Variants in CDC42SE2 observed in about 807,000 individuals in gnomAD.
The protein encoded by CDC42SE2 is CDC42 small effector protein 2.
CDC42SE2 carries 3 observed loss-of-function variants against 11.5 expected under a neutral mutation model. That is an observed-to-expected ratio of 0.26 (90% CI 0.12 to 0.67). CDC42SE2 has a LOEUF of 0.67. Ranked by LOEUF, CDC42SE2 falls within the 30% of genes least tolerant of loss-of-function variation. CDC42SE2 has a pLI of 0.80. For synonymous variants in CDC42SE2, 33 were observed against 34.8 expected (o/e 0.95, Z 0.18); for missense variants, 82 against 106.8 (o/e 0.77, Z 1.02).
intron 3 of CDC42SE2, among the ~76,000 whole-genome samples, chr5:131,381,786 G>A (rs768297506): frequency 4.6e-5 from 7 of 152,140 alleles, no homozygotes; most frequent in African/African-American, 7.2e-5. Flanking sequence ...GTCTTCTCAA[G>A]CTATTTAATC....
At chr5:131,324,888 A>G (rs940088230) in intron 2 of CDC42SE2, among the ~76,000 whole-genome samples, 4 of 152,240 alleles carry the variant, frequency 2.6e-5, no homozygotes, top group African/African-American at 9.6e-5. Flanking sequence ...TTTGTCAGAT[A>G]AAGTTTAGAA....
chr5:131,314,951 T>A (rs1758008625), intron 1 of CDC42SE2, among the ~76,000 whole-genome samples: 1 of 152,178 alleles, frequency 6.6e-6, no homozygotes, highest in Non-Finnish European at 1.5e-5. Flanking sequence ...TGAATTGCTG[T>A]TTGTTTTTAT....
rs1750782505 is a variant in CDC42SE2, at chr5:131,394,240, G to A, written c.*3149G>A. On this transcript the variant is annotated 3_prime_UTR_variant, in exon 5 of 5. Coordinates refer to ENST00000505065, the MANE Select transcript of CDC42SE2 (RefSeq NM_001375635.1). ...ATATATGCTAACAAATGTTAAGCAA[G>A]GGAAACTGAAGACTTAGTCATGTGG... The A allele has an allele frequency of 6.6e-6, 1 of 152,300 alleles. No individual in the cohort carries two copies. The highest frequency in any genetic ancestry group is 1.5e-5 in the Non-Finnish European group (1 of 68,018). The allele number at this position is 152,300 out of a possible 1,614,324, so 9.4% of individuals were successfully genotyped here.
rs1010167702 is a variant in CDC42SE2, at chr5:131,392,519, CTGTT to C, written c.*1431_*1434del. ...TATTTTAGAAGTATGACCTTTTGGTCTGTTTGATTGATTGATTAGAATTGCAATA... is the reference window on the plus strand; with the variant it reads ...TATTTTAGAAGTATGACCTTTTGGTCTGATTGATTGATTAGAATTGCAATA... On this transcript the variant is annotated 3_prime_UTR_variant, in exon 5 of 5. Coordinates refer to ENST00000505065, the MANE Select transcript of CDC42SE2 (RefSeq NM_001375635.1). 2 of 151,202 alleles carry C rather than the reference CTGTT, an allele frequency of 1.3e-5. No individual in the cohort carries two copies. The highest frequency in any genetic ancestry group is 2.4e-5 in the African/African-American group (1 of 41,330). The allele number at this position is 151,202 out of a possible 1,614,324, so 9.4% of individuals were successfully genotyped here. A position where few individuals can be genotyped will look rare whatever the true frequency, so the allele number is the denominator to read the frequency against.
chr5:131,340,094 G>C (rs576966394), intron 2 of CDC42SE2, among the ~76,000 whole-genome samples: 1 of 152,280 alleles, frequency 6.6e-6, no homozygotes, highest in African/African-American at 2.4e-5. Context: ...TGAAGGAAAA[G>C]CACTGTCAAC....
the CDC42SE2 span, among the ~76,000 whole-genome samples, chr5:131,218,299 A>G: frequency 3.9e-5 from 6 of 152,288 alleles, no homozygotes; most frequent in East Asian, 9.6e-4. Flanking sequence ...AAGGTGTTCA[A>G]TGATATTAAT....
intron 2 of CDC42SE2, among the ~76,000 whole-genome samples, chr5:131,350,377 A>G (rs961032998): frequency 2.6e-5 from 4 of 152,016 alleles, no homozygotes; most frequent in Non-Finnish European, 5.9e-5. Context: ...ACTGTGAAAT[A>G]TTACCTAATC....
the CDC42SE2 span, among the ~76,000 whole-genome samples, chr5:131,214,683 G>A: frequency 1.3e-3 from 201 of 152,286 alleles, 2 homozygotes; most frequent in African/African-American, 4.6e-3. Context: ...TGCAGTGGGG[G>A]CCTGGAGCTG....
At chr5:131,388,720 GTTAC>G (rs889968875) in intron 4 of CDC42SE2, among the ~76,000 whole-genome samples, 1 of 152,116 alleles carries the variant, frequency 6.6e-6, no homozygotes, top group Non-Finnish European at 1.5e-5. Flanking sequence ...CTTAATAAAG[GTTAC>G]TTAAGATAAA....
chr5:131,355,140 T>C (rs1012967370), intron 2 of CDC42SE2, among the ~76,000 whole-genome samples: 1 of 152,196 alleles, frequency 6.6e-6, no homozygotes, highest in African/African-American at 2.4e-5. Context: ...GTCCCAAGCA[T>C]TTAGGAAAAG....
At chr5:131,235,439 ACCACCACAC>A in the CDC42SE2 span, among the ~76,000 whole-genome samples, 64 of 149,692 alleles carry the variant, frequency 4.3e-4, no homozygotes, top group African/African-American at 1.6e-3. Flanking sequence ...ACAGGTGTAC[ACCACCACAC>A]CCAGCTAATT....
At position 131,337,023 on chromosome 5, in the gene CDC42SE2, C is replaced by T. The variant is rs550478320; in HGVS notation, c.-286+20879C>T. On this transcript the variant is annotated intron_variant, in intron 2 of 4. Coordinates refer to ENST00000505065, the MANE Select transcript of CDC42SE2 (RefSeq NM_001375635.1). ...CCGTTGCTGGTGAGGAGCTGCGTTCCTTTGGAGGAGGAGAGGCGGTCTGAT... is the reference window on the plus strand; with the variant it reads ...CCGTTGCTGGTGAGGAGCTGCGTTCTTTTGGAGGAGGAGAGGCGGTCTGAT... Among the ~76,000 whole-genome samples, 14 of 152,284 alleles carry T rather than the reference C, an allele frequency of 9.2e-5. No individual in the cohort carries two copies. The East Asian group carries it at 2.5e-3, about 27-fold the overall frequency.
chr5:131,361,441 C>G (rs908746343), intron 3 of CDC42SE2, among the ~76,000 whole-genome samples: 1 of 152,182 alleles, frequency 6.6e-6, no homozygotes, highest in African/African-American at 2.4e-5. Context: ...CAGTGCCCTG[C>G]TGCTCAAACC....
At chr5:131,336,009 T>G (rs1242833148) in intron 2 of CDC42SE2, among the ~76,000 whole-genome samples, 1 of 152,222 alleles carries the variant, frequency 6.6e-6, no homozygotes, top group East Asian at 1.9e-4. Flanking sequence ...GATCCTGTCG[T>G]TATGATGTTA....
chr5:131,224,774 G>A, the CDC42SE2 span, among the ~76,000 whole-genome samples: 1 of 151,988 alleles, frequency 6.6e-6, no homozygotes, highest in Non-Finnish European at 1.5e-5. Flanking sequence ...TCTTTTAAGA[G>A]TGAAGCGTGC....
chr5:131,290,013 T>A (rs899050819), intron 1 of CDC42SE2, among the ~76,000 whole-genome samples: 4 of 152,070 alleles, frequency 2.6e-5, no homozygotes, highest in African/African-American at 9.7e-5. Context: ...TGGCTAATTA[T>A]TTTATTTTAC....
chr5:131,308,920 A>G (rs1277111458), intron 1 of CDC42SE2, among the ~76,000 whole-genome samples: 1 of 151,514 alleles, frequency 6.6e-6, no homozygotes, highest in Non-Finnish European at 1.5e-5. Flanking sequence ...CTCTTTTCCT[A>G]ATTGAATACC....
chr5:131,247,023 C>T (rs114520176), intron 1 of CDC42SE2, among the ~76,000 whole-genome samples: 4,964 of 152,134 alleles, frequency 0.033, 272 homozygotes, highest in African/African-American at 0.11. Flanking sequence ...GGATTACAAG[C>T]GTGCGCCCCC....
At chr5:131,223,311 C>T in the CDC42SE2 span, among the ~76,000 whole-genome samples, 1 of 152,100 alleles carries the variant, frequency 6.6e-6, no homozygotes, top group African/African-American at 2.4e-5. Context: ...TGTTTTCAGT[C>T]GTCTGGCCCT....
Sources: gnomAD v4.1 joint callset for allele counts (sites outside exome capture counted in the v4.1 genomes callset) on GRCh38, gnomAD v4.1.1 for gene constraint, MANE v1.5 for transcripts, NCBI Gene and HGNC (gene_info 2026-07-23, HGNC 2026-07-21) for gene names.